Variants in ADM observed in about 807,000 individuals in gnomAD.
The protein encoded by ADM is adrenomedullin.
In ADM, 4 loss-of-function variants were observed where a neutral mutation model predicts 9.0. The observed-to-expected ratio is 0.44, with a 90% CI of 0.22 to 1.02. The LOEUF (loss-of-function observed/expected upper bound fraction) is 1.02. Ranked by LOEUF, ADM falls within the 50% of genes least tolerant of loss-of-function variation. The pLI, the probability that ADM is intolerant of heterozygous loss-of-function variation, is 0.24. For synonymous variants in ADM, 107 were observed against 107.2 expected, an observed-to-expected ratio of 1.00 and a Z score of 0.01; for missense variants, 253 against 254.1, an observed-to-expected ratio of 1.00 and a Z score of 0.03.
At chr11:10,306,309 C>T in intron 3 of ADM, 23 bp from the exon 4 acceptor site, 1 of 1,510,346 alleles carries the variant, frequency 6.6e-7, no homozygotes, top group Non-Finnish European at 9.2e-7. Flanking sequence ...AGTTGCCTTT[C>T]TTCCCCCTCC....
chr11:10,305,722 C>T lies in ADM; in HGVS notation c.22C>T (p.Leu8=). Residue 8 remains leucine (L), a synonymous_variant, in exon 2 of 4, where the codon CTG becomes TTG. Coordinates refer to ENST00000278175, the MANE Select transcript of ADM (RefSeq NM_001124.3). MKLVSVA[L]MYLGSLAFLG... ...CGGGATGAAGCTGGTTTCCGTCGCC[C>T]TGATGTACCTGGGTTCGCTCGCCTT... 1 of 1,614,092 alleles carries T rather than the reference C, an allele frequency of 6.2e-7. No individual in the cohort carries two copies. The highest frequency in any genetic ancestry group is 8.5e-7 in the Non-Finnish European group (1 of 1,180,012).
Position 10,306,376 on chromosome 11 carries a change from G to C in ADM, c.293G>C (p.Ser98Thr), listed in dbSNP as rs1004066005. 9 of 1,607,836 alleles carry C rather than the reference G, an allele frequency of 5.6e-6. No individual in the cohort carries two copies. In the African/African-American group the frequency reaches 8.1e-5, roughly 14 times the overall value. The change falls in exon 4 of 4, where the codon AGC becomes ACC. Residue 98 changes from serine (S) to threonine (T), a missense_variant. Transcript: ENST00000278175. The stretch of plus-strand genomic sequence containing the variant: ...ATCCGAGTCAAGCGCTACCGCCAGA[G>C]CATGAACAACTTCCAGGGCCTCCGG... ...ARIRVKRYRQ[S>T]MNNFQGLRSF...
intron 3 of ADM, 116 bp from the exon 4 acceptor site, chr11:10,306,216 G>A: frequency 1.3e-6 from 2 of 1,535,130 alleles, no homozygotes; most frequent in Non-Finnish European, 1.8e-6. Context: ...CTCAGATGGC[G>A]CGAGCAGTTT....
At position 10,307,295 on chromosome 11, in the gene ADM, T is replaced by C. The variant is rs1964673219; in HGVS notation, c.*654T>C. On this transcript the variant is annotated 3_prime_UTR_variant, in exon 4 of 4. Transcript: ENST00000278175. This position sits in a 1 kb window ranked among gnomAD's most constrained non-coding sequence, Gnocchi z 4.5. ...TGTGTGCATGAAAGAGAAAGACTGA[T>C]TACCTCCTGTGTGGAAGAAGGAAAC... 1.3e-5 allele frequency: 2 copies of C among 152,664 alleles called. No individual in the cohort carries two copies. Among genetic ancestry groups the C allele is most frequent in the Admixed American group, 6.5e-5 (1 of 15,290 alleles). 9.5% of individuals were successfully genotyped at this position (152,664 alleles called of 1,614,324 possible).
At position 10,305,785 on chromosome 11, in the gene ADM, G is replaced by C. The variant is rs1964648050; in HGVS notation, c.85G>C (p.Glu29Gln). 2 of 1,614,048 alleles carry C rather than the reference G, an allele frequency of 1.2e-6. No homozygotes were observed. Among genetic ancestry groups the C allele is most frequent in the African/African-American group, 2.7e-5 (2 of 74,942 alleles). ...ADTARLDVAS[E>Q]FRKKWNKWAL... ...CACCGCTCGGTTGGATGTCGCGTCG[G>C]AGTTTCGAAAGAAGTGAGTCCGGGC... Residue 29 changes from glutamate to glutamine, a missense_variant, in exon 2 of 4, where the codon GAG (glutamate) becomes CAG (glutamine). Physicochemically the swap from Glu to Gln is conservative, Grantham distance 29. Coordinates refer to ENST00000278175, the MANE Select transcript of ADM (RefSeq NM_001124.3).
rs1964639653 is a variant in ADM at position 10,305,127 on chromosome 11, G to A, written c.-124G>A. 1 of 156,798 alleles carries A rather than the reference G, an allele frequency of 6.4e-6. No individual in the cohort carries two copies. Among genetic ancestry groups the A allele is most frequent in the African/African-American group, 2.4e-5 (1 of 41,492 alleles). 9.7% of individuals were successfully genotyped at this position (156,798 alleles called of 1,614,324 possible). ...GAACAGCTCAAGCCTTGCCACTTCGGGCTTCTCACTGCAGCTGGGCTTGGA... is the reference window on the plus strand; with the variant it reads ...GAACAGCTCAAGCCTTGCCACTTCGAGCTTCTCACTGCAGCTGGGCTTGGA... On this transcript the variant is annotated 5_prime_UTR_variant, in exon 1 of 4. Coordinates refer to ENST00000278175, the MANE Select transcript of ADM (RefSeq NM_001124.3).
chr11:10,306,188 G>A (rs1334174382), intron 3 of ADM, 90 bp downstream of exon 3: 2 of 1,553,424 alleles, frequency 1.3e-6, no homozygotes, highest in African/African-American at 1.4e-5. Flanking sequence ...CCGGGGGATC[G>A]TCGGGGCTGG....
chr11:10,307,041 A>C lies in ADM; in HGVS notation c.*400A>C. The C allele has an allele frequency of 5.7e-6, 1 of 175,276 alleles. No individual in the cohort carries two copies. The highest frequency in any genetic ancestry group is 1.2e-5 in the Non-Finnish European group (1 of 83,606). 10.9% of individuals were successfully genotyped at this position (175,276 alleles called of 1,614,324 possible). A position where few individuals can be genotyped will look rare whatever the true frequency, so the allele number is the denominator to read the frequency against. On this transcript the variant is annotated 3_prime_UTR_variant, in exon 4 of 4. Coordinates refer to ENST00000278175, the MANE Select transcript of ADM (RefSeq NM_001124.3). The surrounding 1 kb of genome is among the most constrained non-coding windows in gnomAD (Gnocchi z 4.5). ...CTCACTATTACTTGAACTTTCCAAA[A>C]CCTAAAGAGGAAAAGTGCAATGCGT...
Position 10,306,019 on chromosome 11 carries a change from G to T in ADM, c.169G>T (p.Ala57Ser). 1 of 1,614,044 alleles carries T rather than the reference G, an allele frequency of 6.2e-7. No homozygotes were observed. Among genetic ancestry groups the T allele is most frequent in the Non-Finnish European group, 8.5e-7 (1 of 1,180,024 alleles). ...GTCCAGCAGCTACCCCACCGGGCTCGCTGACGTGAAGGCCGGGCCTGCCCA... is the reference window on the plus strand; with the variant it reads ...GTCCAGCAGCTACCCCACCGGGCTCTCTGACGTGAAGGCCGGGCCTGCCCA... ...RMSSSYPTGL[A>S]DVKAGPAQTL... The change falls in exon 3 of 4, where the codon GCT becomes TCT. Residue 57 changes from alanine to serine, a missense_variant. By Grantham distance (99) the Ala-to-Ser change is moderately conservative. Transcript: ENST00000278175.
chr11:10,305,538 G>A, intron 1 of ADM, 142 bp from the exon 2 acceptor site: 3 of 685,124 alleles, frequency 4.4e-6, no homozygotes, highest in Non-Finnish European at 7.2e-6. Context: ...GCGCCTCTCT[G>A]CGCGGAGGGA....
rs1964674033 is a variant in ADM, at chr11:10,307,344, T to C, written c.*703T>C. 6.5e-6 allele frequency: 1 copy of C among 152,688 alleles called. No individual in the cohort carries two copies. The highest frequency in any genetic ancestry group is 2.1e-4 in the South Asian group (1 of 4,834). 9.5% of individuals were successfully genotyped at this position (152,688 alleles called of 1,614,324 possible). On this transcript the variant is annotated 3_prime_UTR_variant, in exon 4 of 4. Coordinates refer to ENST00000278175, the MANE Select transcript of ADM (RefSeq NM_001124.3). This position sits in a 1 kb window ranked among gnomAD's most constrained non-coding sequence, Gnocchi z 4.5. ...ACACCGAGTCTCTGTATAATCTATTTACATAAAATGGGTGATATGCGAACA... is the reference window on the plus strand; with the variant it reads ...ACACCGAGTCTCTGTATAATCTATTCACATAAAATGGGTGATATGCGAACA...
rs1398280846 is a variant in ADM, at chr11:10,307,015, CCTCA to C, written c.*377_*380del. 6 of 207,482 alleles carry C rather than the reference CCTCA, an allele frequency of 2.9e-5. No individual in the cohort carries two copies. The highest frequency in any genetic ancestry group is 1.4e-4 in the African/African-American group (6 of 43,578). The allele number at this position is 207,482 out of a possible 1,614,324, so 12.9% of individuals were successfully genotyped here. ...GCGTGTCACCCCACCAGGGCGCAAG[CCTCA>C]CTATTACTTGAACTTTCCAAAACCT... is the stretch of plus-strand genomic sequence containing the variant. On this transcript the variant is annotated 3_prime_UTR_variant, in exon 4 of 4. Transcript: ENST00000278175. The surrounding 1 kb of genome is among the most constrained non-coding windows in gnomAD (Gnocchi z 4.5).
Position 10,306,470 on chromosome 11 carries a change from T to G in ADM, c.387T>G (p.Asp129Glu). 6.2e-7 allele frequency: 1 copy of G among 1,612,130 alleles called. No individual in the cohort carries two copies. The highest frequency in any genetic ancestry group is 8.5e-7 in the Non-Finnish European group (1 of 1,179,654). ...CACACCAGATCTACCAGTTCACAGA[T>G]AAGGACAAGGACAACGTCGCCCCCA... ...KLAHQIYQFT[D>E]KDKDNVAPRS... The change falls in exon 4 of 4, where the codon GAT becomes GAG. Residue 129 changes from aspartate to glutamate, a missense_variant. Asp to Glu is a conservative substitution (Grantham distance 45, BLOSUM62 2). Coordinates refer to ENST00000278175, the MANE Select transcript of ADM (RefSeq NM_001124.3).
chr11:10,306,170 C>T (rs932237607), intron 3 of ADM, 72 bp downstream of exon 3: 2 of 1,575,998 alleles, frequency 1.3e-6, no homozygotes, highest in Non-Finnish European at 8.6e-7. Flanking sequence ...TGTCTCCACT[C>T]CCCTGGCCCG....
At chr11:10,306,239 G>C in intron 3 of ADM, 93 bp from the exon 4 acceptor site, 1 of 1,546,656 alleles carries the variant, frequency 6.5e-7, no homozygotes, top group Non-Finnish European at 8.7e-7. Flanking sequence ...AGCTCCCTCT[G>C]GCTCTAGAAT....
In ADM at chr11:10,306,862, G is replaced by C. The variant is rs1964666913; in HGVS notation, c.*221G>C. ...TTGCTCAGGTGCAAGTGCCCCAGGG[G>C]GCGGGGTGCAGAAGAATCCGAGTGT... is the stretch of plus-strand genomic sequence containing the variant. On this transcript the variant is annotated 3_prime_UTR_variant, in exon 4 of 4. Coordinates refer to ENST00000278175, the MANE Select transcript of ADM (RefSeq NM_001124.3). 4.3e-6 allele frequency: 2 copies of C among 464,856 alleles called. No homozygotes were observed. Among genetic ancestry groups the C allele is most frequent in the Admixed American group, 4.1e-5 (1 of 24,254 alleles). 28.8% of individuals were successfully genotyped at this position (464,856 alleles called of 1,614,324 possible).
chr11:10,306,206 C>A, intron 3 of ADM, 108 bp downstream of exon 3: 1 of 1,539,778 alleles, frequency 6.5e-7, no homozygotes, highest in South Asian at 1.2e-5. Context: ...TGGACCGCAG[C>A]TCAGATGGCG....
rs751259666 is a variant in ADM, at chr11:10,306,341, T to C, written c.258T>C (p.Asp86=). 4.3e-5 allele frequency: 33 copies of C among 760,826 alleles called. No homozygotes were observed. The highest frequency in any genetic ancestry group is 5.4e-4 in the Middle Eastern group (2 of 3,694). 47.1% of individuals were successfully genotyped at this position (760,826 alleles called of 1,614,324 possible). Residue 86 remains aspartate, a synonymous_variant, in exon 4 of 4, where the codon GAT becomes GAC. Transcript: ENST00000278175. ...ASRSPEDSSP[D]AARIRVKRYR... Reference sequence around the variant, plus strand: ...CTCCCCCCGCCCGCAGCAGTCCGGATGCCGCCCGCATCCGAGTCAAGCGCT... The same window carrying C: ...CTCCCCCCGCCCGCAGCAGTCCGGACGCCGCCCGCATCCGAGTCAAGCGCT...
At chr11:10,306,221 C>A in intron 3 of ADM, 111 bp from the exon 4 acceptor site, 2 of 1,531,202 alleles carry the variant, frequency 1.3e-6, no homozygotes, top group South Asian at 1.2e-5. Context: ...ATGGCGCGAG[C>A]AGTTTCCAGC....
Sources: gnomAD v4.1 joint callset for allele counts on GRCh38, gnomAD v4.1.1 for gene constraint, Gnocchi (gnomAD v3.1) non-coding constraint, MANE v1.5 for transcripts, NCBI Gene and HGNC (gene_info 2026-07-23, HGNC 2026-07-21) for gene names.